The following TTC29 variants were observed in gnomAD, a reference collection of about 807,000 sequenced individuals.
The protein encoded by TTC29 is tetratricopeptide repeat domain 29.
A neutral mutation model predicts 58.1 loss-of-function variants in TTC29; 49 were observed. The observed-to-expected ratio is 0.84, with a 90% CI of 0.67 to 1.07. The LOEUF (loss-of-function observed/expected upper bound fraction) is 1.07. TTC29 is among the 50% of genes least tolerant of loss of function. The pLI is 0.00. For synonymous variants in TTC29, 209 were observed against 196.8 expected (o/e 1.06, Z -0.52); for missense variants, 582 against 555.6 (o/e 1.05, Z -0.48).
At chr4:146,805,571 A>G (rs1178314620) in intron 10 of TTC29, among the ~76,000 whole-genome samples, 1 of 152,034 alleles carries the variant, frequency 6.6e-6, no homozygotes, top group Non-Finnish European at 1.5e-5. Context: ...AAAACACAGC[A>G]CAAGAACTTC....
chr4:146,913,171 G>A (rs940006808), intron 4 of TTC29, among the ~76,000 whole-genome samples: 1 of 152,138 alleles, frequency 6.6e-6, no homozygotes, highest in Non-Finnish European at 1.5e-5. Flanking sequence ...TGTATGCACT[G>A]GCGGCCAGCC....
At chr4:146,754,647 T>A (rs1746293877) in intron 11 of TTC29, among the ~76,000 whole-genome samples, 1 of 152,154 alleles carries the variant, frequency 6.6e-6, no homozygotes, top group Non-Finnish European at 1.5e-5. Flanking sequence ...ATACATCACA[T>A]TAACAGAATG....
intron 4 of TTC29, among the ~76,000 whole-genome samples, chr4:146,926,967 C>T (rs1410966541): frequency 6.6e-6 from 1 of 151,388 alleles, no homozygotes; most frequent in Non-Finnish European, 1.5e-5. Context: ...TGTGGTGGTG[C>T]ACACCTGTAA....
intron 11 of TTC29, among the ~76,000 whole-genome samples, chr4:146,730,223 A>G (rs906770313): frequency 2.0e-5 from 3 of 152,058 alleles, no homozygotes; most frequent in Non-Finnish European, 4.4e-5. Flanking sequence ...GGGATACTAC[A>G]CAGCCATAAA....
intron 8 of TTC29, 68 bp from the exon 9 acceptor site, chr4:146,833,965 C>A: frequency 9.2e-7 from 1 of 1,091,372 alleles, no homozygotes; most frequent in African/African-American, 1.6e-5. Context: ...CATTTCATAA[C>A]AGAAAAAAAT....
At chr4:146,773,112 GC>G (rs763661520) in intron 11 of TTC29, among the ~76,000 whole-genome samples, 6 of 152,084 alleles carry the variant, frequency 3.9e-5, no homozygotes, top group Non-Finnish European at 5.9e-5. Flanking sequence ...ACATCAAGGA[GC>G]TTTTGGGCAG....
chr4:146,726,208 C>T (rs576667111), intron 11 of TTC29, among the ~76,000 whole-genome samples: 1 of 151,996 alleles, frequency 6.6e-6, no homozygotes, highest in Non-Finnish European at 1.5e-5. Flanking sequence ...CAGCTGGGCA[C>T]TTTGGGAGCC....
intron 11 of TTC29, among the ~76,000 whole-genome samples, chr4:146,719,053 T>C (rs147647085): frequency 2.4e-4 from 36 of 152,262 alleles, no homozygotes; most frequent in African/African-American, 8.4e-4. Context: ...CTCTATTCTG[T>C]TCTATTGGTC....
chr4:146,785,423 G>A (rs181359039), intron 11 of TTC29, among the ~76,000 whole-genome samples: 97 of 152,290 alleles, frequency 6.4e-4, no homozygotes, highest in African/African-American at 2.2e-3. Context: ...AGTCATCAAA[G>A]TTTGACTGAT....
chr4:146,779,197 A>C (rs964141151), intron 11 of TTC29, among the ~76,000 whole-genome samples: 15 of 151,988 alleles, frequency 9.9e-5, no homozygotes, highest in Non-Finnish European at 1.9e-4. Flanking sequence ...GACTTTAAAA[A>C]ATATTTTATA....
chr4:146,933,023 AC>A (rs1735466781), intron 4 of TTC29, among the ~76,000 whole-genome samples: 1 of 151,320 alleles, frequency 6.6e-6, no homozygotes, highest in Admixed American at 6.6e-5. Context: ...GCACCACTGC[AC>A]TCCAGTCTGG....
chr4:146,876,527 T>C (rs1259729300), intron 6 of TTC29, among the ~76,000 whole-genome samples: 1 of 152,200 alleles, frequency 6.6e-6, no homozygotes, highest in Non-Finnish European at 1.5e-5. Context: ...TTCCTATTTG[T>C]TGCATTGAAT....
At chr4:146,807,001 T>C (rs565813567) in intron 10 of TTC29, among the ~76,000 whole-genome samples, 1 of 152,014 alleles carries the variant, frequency 6.6e-6, no homozygotes, top group Non-Finnish European at 1.5e-5. Flanking sequence ...AAACACTCCC[T>C]AGAAAATACA....
At chr4:146,934,506 A>G (rs1735615201) in intron 4 of TTC29, among the ~76,000 whole-genome samples, 2 of 152,164 alleles carry the variant, frequency 1.3e-5, no homozygotes, top group South Asian at 4.1e-4. Context: ...AGGCAATTGG[A>G]TCTAAAAACT....
At chr4:146,913,601 G>C (rs1346790864) in intron 4 of TTC29, among the ~76,000 whole-genome samples, 1 of 152,078 alleles carries the variant, frequency 6.6e-6, no homozygotes, top group Non-Finnish European at 1.5e-5. Flanking sequence ...TAAAGGTGTA[G>C]GAGGTTGCTG....
At chr4:146,757,760 C>G (rs770855668) in intron 11 of TTC29, among the ~76,000 whole-genome samples, 1 of 152,182 alleles carries the variant, frequency 6.6e-6, no homozygotes, top group Non-Finnish European at 1.5e-5. Context: ...TTCAGACAAA[C>G]AAATGCTGAG....
At chr4:146,740,197 A>G (rs1054371177) in intron 11 of TTC29, among the ~76,000 whole-genome samples, 9 of 152,264 alleles carry the variant, frequency 5.9e-5, no homozygotes, top group African/African-American at 2.2e-4. Flanking sequence ...TTTTGTTACT[A>G]CAATCTAGCC....
At chr4:146,833,697 C>A in intron 9 of TTC29, 109 bp downstream of exon 9, 2 of 840,646 alleles carry the variant, frequency 2.4e-6, no homozygotes, top group South Asian at 2.8e-5. Context: ...AAGGGCACTG[C>A]TTAAAATTTA....
rs547117916 is a variant in TTC29 at position 146,934,882 on chromosome 4, G to A, written c.176+2712C>T. Among the ~76,000 whole-genome samples the A allele has an allele frequency of 5.3e-5, 8 of 152,218 alleles. No individual in the cohort carries two copies. The East Asian group carries it at 1.5e-3, about 29-fold the overall frequency. On this transcript the variant is annotated intron_variant, in intron 4 of 12. Coordinates refer to ENST00000325106, the MANE Select transcript of TTC29 (RefSeq NM_031956.4). ...AGGGGTCATGGGTGACCCTAAAGAGGCATTTCAGTAAGTATGGGGGCTGGA... is the reference window on the plus strand; with the variant it reads ...AGGGGTCATGGGTGACCCTAAAGAGACATTTCAGTAAGTATGGGGGCTGGA...
Sources: allele counts gnomAD v4.1 joint callset (sites outside exome capture counted in the v4.1 genomes callset), GRCh38; gene constraint gnomAD v4.1.1; transcripts MANE v1.5; gene names NCBI Gene and HGNC (gene_info 2026-07-23, HGNC 2026-07-21).